The following MDGA2 variants were observed in gnomAD, a reference collection of about 807,000 sequenced individuals.
MDGA2 encodes MAM domain-containing glycosylphosphatidylinositol anchor protein 2.
Under a neutral mutation model 117.8 loss-of-function variants are expected in MDGA2, and 40 were observed. The observed-to-expected ratio is 0.34, with a 90% CI of 0.26 to 0.44. The LOEUF is 0.44. MDGA2 is among the 20% of genes least tolerant of loss of function. The pLI is 1.00. For synonymous variants in MDGA2, 452 were observed against 439.0 expected, an observed-to-expected ratio of 1.03 and a Z score of -0.37; for missense variants, 1,123 against 1,250.6, an observed-to-expected ratio of 0.90 and a Z score of 1.54.
At chr14:47,270,347 T>C (rs1888105623) in intron 2 of MDGA2, among the ~76,000 whole-genome samples, 1 of 152,124 alleles carries the variant, frequency 6.6e-6, no homozygotes, top group East Asian at 1.9e-4. Context: ...TTCCATAAAC[T>C]AGAGACTGCC....
chr14:47,218,546 T>C (rs1886184806), intron 2 of MDGA2, among the ~76,000 whole-genome samples: 1 of 152,164 alleles, frequency 6.6e-6, no homozygotes, highest in South Asian at 2.1e-4. Context: ...CTGTTTTTCA[T>C]ATTTTCCAAA....
chr14:47,242,210 C>T (rs1887064894), intron 2 of MDGA2, among the ~76,000 whole-genome samples: 1 of 151,874 alleles, frequency 6.6e-6, no homozygotes, highest in Non-Finnish European at 1.5e-5. Context: ...CGTAGTTATT[C>T]AATGGTTTGA....
chr14:47,513,220 G>T (rs927766212), intron 1 of MDGA2, among the ~76,000 whole-genome samples: 2 of 152,064 alleles, frequency 1.3e-5, no homozygotes, highest in South Asian at 2.1e-4. Flanking sequence ...AAATTATATA[G>T]GAGAAGTATT....
chr14:47,213,525 A>G (rs190812481), intron 3 of MDGA2, among the ~76,000 whole-genome samples: 1 of 152,202 alleles, frequency 6.6e-6, no homozygotes, highest in Admixed American at 6.6e-5. Flanking sequence ...CGTCATTTTG[A>G]CTGTTTGGAA....
chr14:47,134,618 T>A (rs560993517), intron 4 of MDGA2, among the ~76,000 whole-genome samples: 1 of 151,714 alleles, frequency 6.6e-6, no homozygotes, highest in African/African-American at 2.4e-5. Flanking sequence ...ATAAAACAAA[T>A]GAAAATCAGT....
intron 1 of MDGA2, among the ~76,000 whole-genome samples, chr14:47,513,027 TAAG>T (rs1347156574): frequency 6.6e-6 from 1 of 152,092 alleles, no homozygotes; most frequent in Non-Finnish European, 1.5e-5. Context: ...ATCTTCAAGA[TAAG>T]AACTGTTTCA....
intron 1 of MDGA2, among the ~76,000 whole-genome samples, chr14:47,374,319 T>C (rs762917466): frequency 4.6e-5 from 7 of 152,126 alleles, no homozygotes; most frequent in Non-Finnish European, 1.0e-4. Context: ...GTACCTGACC[T>C]TAAATGCTTA....
At chr14:47,165,073 G>A (rs1883809535) in intron 3 of MDGA2, among the ~76,000 whole-genome samples, 1 of 152,126 alleles carries the variant, frequency 6.6e-6, no homozygotes, top group Admixed American at 6.5e-5. Flanking sequence ...GACACAGGAA[G>A]GGGAACATCA....
At chr14:47,427,109 G>C (rs1892707223) in intron 1 of MDGA2, among the ~76,000 whole-genome samples, 1 of 152,048 alleles carries the variant, frequency 6.6e-6, no homozygotes, top group Non-Finnish European at 1.5e-5. Flanking sequence ...AGTCTAAACA[G>C]GTATAAACTT....
At chr14:47,120,411 A>G (rs1407515520) in intron 5 of MDGA2, among the ~76,000 whole-genome samples, 2 of 152,230 alleles carry the variant, frequency 1.3e-5, no homozygotes, top group East Asian at 3.8e-4. Flanking sequence ...TAAATGATTA[A>G]ACAGTAGAAT....
At chr14:47,670,835 T>C (rs1594974524) in intron 1 of MDGA2, among the ~76,000 whole-genome samples, 2 of 152,114 alleles carry the variant, frequency 1.3e-5, no homozygotes, top group African/African-American at 4.8e-5. Flanking sequence ...TATTTTAATA[T>C]AAATAACTTT....
At chr14:47,148,352 TC>T (rs1883028044) in intron 3 of MDGA2, among the ~76,000 whole-genome samples, 1 of 152,140 alleles carries the variant, frequency 6.6e-6, no homozygotes, top group African/African-American at 2.4e-5. Flanking sequence ...GACCTGGTAT[TC>T]TATAAGGAGA....
At chr14:47,085,626 T>C (rs1890868783) in intron 6 of MDGA2, among the ~76,000 whole-genome samples, 1 of 151,978 alleles carries the variant, frequency 6.6e-6, no homozygotes, top group African/African-American at 2.4e-5. Flanking sequence ...GTCTTTTTTT[T>C]TTTTTTCCAG....
At chr14:47,361,370 T>C (rs1342534839) in intron 1 of MDGA2, among the ~76,000 whole-genome samples, 1 of 152,010 alleles carries the variant, frequency 6.6e-6, no homozygotes, top group Non-Finnish European at 1.5e-5. Context: ...GCCAGCACCT[T>C]GATCTTGGAC....
At chr14:47,070,517 T>C (rs1223638312) in intron 6 of MDGA2, among the ~76,000 whole-genome samples, 1 of 152,152 alleles carries the variant, frequency 6.6e-6, no homozygotes, top group Non-Finnish European at 1.5e-5. Context: ...AACTCTGAAA[T>C]GTGAAAAGAG....
intron 10 of MDGA2, among the ~76,000 whole-genome samples, chr14:46,898,749 G>A (rs1301422339): frequency 2.6e-5 from 4 of 152,036 alleles, no homozygotes; most frequent in Non-Finnish European, 5.9e-5. Context: ...CTACAAGACT[G>A]GATAGGACAT....
chr14:47,631,347 G>A (rs1000134146), intron 1 of MDGA2, among the ~76,000 whole-genome samples: 1 of 152,058 alleles, frequency 6.6e-6, no homozygotes, highest in Non-Finnish European at 1.5e-5. Context: ...AGTAATTTTT[G>A]AATCTTCTCT....
At chr14:47,065,651 A>T (rs930320886) in intron 6 of MDGA2, among the ~76,000 whole-genome samples, 4 of 152,250 alleles carry the variant, frequency 2.6e-5, no homozygotes, top group African/African-American at 9.6e-5. Flanking sequence ...TATGCAATAC[A>T]TAGTAATTCA....
chr14:47,635,204 A>G (rs1216907554), intron 1 of MDGA2, among the ~76,000 whole-genome samples: 2 of 152,114 alleles, frequency 1.3e-5, no homozygotes, highest in African/African-American at 4.8e-5. Flanking sequence ...GGCAAGAAAT[A>G]AATTTTATGT....
Sources: gnomAD v4.1 joint callset for allele counts (sites outside exome capture counted in the v4.1 genomes callset) on GRCh38, gnomAD v4.1.1 for gene constraint, MANE v1.5 for transcripts, NCBI Gene and HGNC (gene_info 2026-07-23, HGNC 2026-07-21) for gene names.